ZNF407: variants seen among roughly 807,000 people sequenced by gnomAD.
The protein encoded by ZNF407 is zinc finger protein 407.
In ZNF407, 17 loss-of-function variants were observed where a neutral mutation model predicts 131.2. The observed-to-expected ratio is 0.13, with a 90% CI of 0.09 to 0.19. ZNF407 has a LOEUF of 0.19. ZNF407 is among the 10% of genes least tolerant of loss of function. The pLI is 1.00. For missense variants in ZNF407, 2,681 were observed against 2,830.6 expected (o/e 0.95, Z 1.20); for synonymous variants, 1,156 against 1,062.0 (o/e 1.09, Z -1.72).
In ZNF407 at chr18:74,890,006, A is replaced by G; in HGVS notation, c.5217A>G (p.Glu1739=). 6.2e-7 allele frequency: 1 copy of G among 1,600,824 alleles called. No homozygotes were observed. The highest frequency in any genetic ancestry group is 8.5e-7 in the Non-Finnish European group (1 of 1,173,334). Residue 1739 remains glutamate, a synonymous_variant, in exon 7 of 9, where the codon GAA becomes GAG. Coordinates refer to ENST00000299687, the MANE Select transcript of ZNF407 (RefSeq NM_017757.3). ...LTRHKRVHTG[E]KPYRCPWCDY... ...GGCATAAACGTGTCCACACTGGAGA[A>G]AAGCCCTACAGATGCCCCTGGTGTG... is the stretch of plus-strand genomic sequence containing the variant.
At position 74,899,659 on chromosome 18, in the gene ZNF407, A is replaced by G. The variant is rs536728187; in HGVS notation, c.5249+9621A>G. Among the ~76,000 whole-genome samples the G allele has an allele frequency of 3.9e-5, 6 of 152,326 alleles. No individual in the cohort carries two copies. The East Asian group carries it at 9.6e-4, about 24-fold the overall frequency. On this transcript the variant is annotated intron_variant, in intron 7 of 8. Coordinates refer to ENST00000299687, the MANE Select transcript of ZNF407 (RefSeq NM_017757.3). ...AAAAGTGAAACAAGAAGAGAGGCAA[A>G]TAGCCTGTATGGGAGACAGAGAAGC...
intron 8 of ZNF407, among the ~76,000 whole-genome samples, chr18:74,969,786 A>G (rs955359528): frequency 1.3e-5 from 2 of 151,990 alleles, no homozygotes; most frequent in African/African-American, 4.8e-5. Flanking sequence ...TTATTTTTCA[A>G]CCAGGCACTT....
At chr18:75,007,497 G>T (rs529598391) in intron 8 of ZNF407, among the ~76,000 whole-genome samples, 1 of 152,098 alleles carries the variant, frequency 6.6e-6, no homozygotes, top group Non-Finnish European at 1.5e-5. Flanking sequence ...GGACATTCTC[G>T]CACACAATCA....
chr18:74,923,398 TTCTTTAA>T (rs1056722592), intron 8 of ZNF407, among the ~76,000 whole-genome samples: 1 of 152,128 alleles, frequency 6.6e-6, no homozygotes, highest in African/African-American at 2.4e-5. Flanking sequence ...ATTATTTTAA[TTCTTTAA>T]AATTTGTGTA....
intron 8 of ZNF407, among the ~76,000 whole-genome samples, chr18:74,961,886 C>T (rs1972349730): frequency 6.6e-6 from 1 of 152,008 alleles, no homozygotes; most frequent in South Asian, 2.1e-4. Context: ...GGATCAGACC[C>T]TAACTTGCAC....
At chr18:74,936,035 G>T (rs1972036127) in intron 8 of ZNF407, among the ~76,000 whole-genome samples, 1 of 152,110 alleles carries the variant, frequency 6.6e-6, no homozygotes, top group South Asian at 2.1e-4. Context: ...TTTGGTTTTA[G>T]ATATAATTCT....
Position 74,632,915 on chromosome 18 carries a change from A to T in ZNF407, c.1896A>T (p.Glu632Asp). 2 of 1,611,534 alleles carry T rather than the reference A, an allele frequency of 1.2e-6. No homozygotes were observed. The highest frequency in any genetic ancestry group is 1.7e-6 in the Non-Finnish European group (2 of 1,179,092). Reference sequence around the variant, plus strand: ...TTTTGTCTGAAAAAGATGTGGAAGAACACAAAGCCACCGAGAAGCATATTA... The same window carrying T: ...TTTTGTCTGAAAAAGATGTGGAAGATCACAAAGCCACCGAGAAGCATATTA... ...LFFLSEKDVE[E>D]HKATEKHINS... Residue 632 changes from glutamate (E) to aspartate (D), a missense_variant, in exon 2 of 9, where the codon GAA becomes GAT. Physicochemically the swap from Glu to Asp is conservative, Grantham distance 45. Coordinates refer to ENST00000299687, the MANE Select transcript of ZNF407 (RefSeq NM_017757.3).
chr18:74,957,608 C>A (rs1972291531), intron 8 of ZNF407, among the ~76,000 whole-genome samples: 1 of 151,992 alleles, frequency 6.6e-6, no homozygotes, highest in Admixed American at 6.6e-5. Flanking sequence ...TAGTGAATTC[C>A]CTGGATGTCA....
intron 3 of ZNF407, among the ~76,000 whole-genome samples, chr18:74,706,646 G>A (rs1967630184): frequency 6.6e-6 from 1 of 152,168 alleles, no homozygotes; most frequent in Non-Finnish European, 1.5e-5. Flanking sequence ...AAAACAATGT[G>A]AGAGAATGTC....
chr18:75,062,774 A>G (rs1364692812), intron 8 of ZNF407: 1 of 175,326 alleles, frequency 5.7e-6, no homozygotes, highest in African/African-American at 2.4e-5. Flanking sequence ...TGTTTGCTGA[A>G]CTTTACTTAG....
chr18:74,877,312 T>C lies in ZNF407; in HGVS notation c.4993T>C (p.Tyr1665His), dbSNP rs755016772. Reference protein sequence around the residue: ...PFKCTWPTCHYSFLTASAMKD... With the variant: ...PFKCTWPTCHHSFLTASAMKD... ...TAAATGTACCTGGCCCACGTGCCAT[T>C]ACTCATTCCTCACAGCCTCCGCAAT... The change falls in exon 5 of 9, where the codon TAC becomes CAC. Residue 1665 changes from tyrosine (Y) to histidine (H), a missense_variant. Transcript: ENST00000299687. 1.9e-6 allele frequency: 3 copies of C among 1,613,870 alleles called. No homozygotes were observed. The highest frequency in any genetic ancestry group is 2.2e-5 in the South Asian group (2 of 91,064).
At chr18:74,884,102 T>A (rs1226353032) in intron 6 of ZNF407, among the ~76,000 whole-genome samples, 1 of 152,260 alleles carries the variant, frequency 6.6e-6, no homozygotes, top group African/African-American at 2.4e-5. Context: ...GTTTGATCAG[T>A]CTGCCATCAG....
At chr18:74,671,659 C>G (rs757042866) in intron 3 of ZNF407, among the ~76,000 whole-genome samples, 10 of 152,122 alleles carry the variant, frequency 6.6e-5, no homozygotes, top group Non-Finnish European at 1.3e-4. Context: ...ATAATAGCCT[C>G]CAGCTCCATC....
rs1984320037 is a variant in ZNF407 at position 74,634,338 on chromosome 18, G to A, written c.3319G>A (p.Glu1107Lys). ...AGAAGAGCATCAACAAAATTCTGAG[G>A]AATTTCAAATAATTTCAGGTCAACC... ...PEEEHQQNSE[E>K]FQIISGQPSD... Residue 1107 changes from glutamate (E) to lysine (K), a missense_variant, in exon 2 of 9, where the codon GAA (glutamate) becomes AAA (lysine). Glu to Lys is a moderately conservative substitution (Grantham distance 56). Coordinates refer to ENST00000299687, the MANE Select transcript of ZNF407 (RefSeq NM_017757.3). 1 of 1,613,862 alleles carries A rather than the reference G, an allele frequency of 6.2e-7. No homozygotes were observed. The highest frequency in any genetic ancestry group is 2.2e-5 in the East Asian group (1 of 44,884).
intron 7 of ZNF407, among the ~76,000 whole-genome samples, chr18:74,916,154 T>TGC (rs1971757105): frequency 2.0e-5 from 1 of 49,972 alleles, no homozygotes; most frequent in Non-Finnish European, 3.4e-5. Flanking sequence ...TGCATGTGTG[T>TGC]GCTGGTATGG....
intron 5 of ZNF407, among the ~76,000 whole-genome samples, chr18:74,878,835 C>CA (rs201880962): frequency 1.1e-3 from 149 of 139,310 alleles, no homozygotes; most frequent in African/African-American, 3.4e-3. Context: ...TTTTTTTTCT[C>CA]AAAAAAAACA....
chr18:74,808,519 T>G (rs569804036), intron 4 of ZNF407, among the ~76,000 whole-genome samples: 1 of 152,230 alleles, frequency 6.6e-6, no homozygotes, highest in Admixed American at 6.5e-5. Flanking sequence ...ATTTCAATTT[T>G]TGTGTCTATG....
chr18:74,598,457 C>T (rs1237202802), intron 1 of ZNF407: 2 of 152,348 alleles, frequency 1.3e-5, no homozygotes, highest in Non-Finnish European at 2.9e-5. Flanking sequence ...AACAGATGCT[C>T]CCCTAGCTGC....
chr18:74,822,764 A>G (rs1970358390), intron 4 of ZNF407, among the ~76,000 whole-genome samples: 1 of 152,170 alleles, frequency 6.6e-6, no homozygotes, highest in Admixed American at 6.5e-5. Context: ...TTTCATTTTC[A>G]CATGAAGTTT....
Sources: gnomAD v4.1 joint callset for allele counts (sites outside exome capture counted in the v4.1 genomes callset) on GRCh38, gnomAD v4.1.1 for gene constraint, MANE v1.5 for transcripts, NCBI Gene and HGNC (gene_info 2026-07-23, HGNC 2026-07-21) for gene names.